Variants in PRKG1 observed in about 807,000 individuals in gnomAD.
The protein encoded by PRKG1 is cGMP-dependent protein kinase 1.
PRKG1 carries 35 observed loss-of-function variants against 88.1 expected under a neutral mutation model. That is an observed-to-expected ratio of 0.40 (90% CI 0.30 to 0.53). PRKG1 has a LOEUF of 0.53. PRKG1 is among the 20% of genes least tolerant of loss of function. The pLI, the probability that PRKG1 is intolerant of heterozygous loss-of-function variation, is 0.59. For synonymous variants in PRKG1, 303 were observed against 292.5 expected (o/e 1.04, Z -0.37); for missense variants, 540 against 839.8 (o/e 0.64, Z 4.41).
At chr10:51,988,735 A>T (rs889877527) in intron 5 of PRKG1, among the ~76,000 whole-genome samples, 12 of 151,442 alleles carry the variant, frequency 7.9e-5, no homozygotes, top group African/African-American at 2.9e-4. Flanking sequence ...GATTGGTAAA[A>T]TTTTTTTCTT....
At chr10:52,083,226 G>A (rs1323227491) in intron 7 of PRKG1, among the ~76,000 whole-genome samples, 4 of 151,862 alleles carry the variant, frequency 2.6e-5, no homozygotes, top group Admixed American at 1.3e-4. Context: ...TGAACTTTGG[G>A]CCAGGTACAA....
intron 1 of PRKG1, among the ~76,000 whole-genome samples, chr10:51,099,759 G>A (rs1004833228): frequency 2.6e-5 from 4 of 152,172 alleles, no homozygotes; most frequent in Non-Finnish European, 5.9e-5. Context: ...CTGGAAATGT[G>A]TAGGATGTCC....
At chr10:52,021,390 C>A (rs78219170) in intron 5 of PRKG1, among the ~76,000 whole-genome samples, 13,146 of 152,136 alleles carry the variant, frequency 0.086, 794 homozygotes, top group Non-Finnish European at 0.13. Flanking sequence ...TGGTTTAGTG[C>A]CAGGCACATG....
chr10:51,628,908 G>A (rs1839446607), intron 3 of PRKG1, among the ~76,000 whole-genome samples: 1 of 149,214 alleles, frequency 6.7e-6, no homozygotes, highest in African/African-American at 2.5e-5. Flanking sequence ...GCAGTGAGCC[G>A]AGATTGCGCC....
rs71904885 is a variant in PRKG1 at position 52,148,957 on chromosome 10, C to CTTTTTTTTTTTTTTTTTTTTTT, written c.1002-12927_1002-12906dup. 1.5e-4 allele frequency among the ~76,000 whole-genome samples: 8 copies of CTTTTTTTTTTTTTTTTTTTTTT among 55,160 alleles called. 1 individual carries two copies. The highest frequency in any genetic ancestry group is 6.0e-4 in the African/African-American group (8 of 13,338). 36.2% of individuals were successfully genotyped at this position (55,160 alleles called of 152,430 possible). On this transcript the variant is annotated intron_variant, in intron 8 of 17. Coordinates refer to ENST00000373980, the MANE Select transcript of PRKG1 (RefSeq NM_006258.4). ...TATTTGACCACAGAGGATAGTTTTG[C>CTTTTTTTTTTTTTTTTTTTTTT]TTTTTTTTTTTTTTTTTTTTTTTTT...
intron 1 of PRKG1, among the ~76,000 whole-genome samples, chr10:51,102,535 T>C (rs571011721): frequency 6.6e-6 from 1 of 152,330 alleles, no homozygotes; most frequent in Admixed American, 6.5e-5. Context: ...TTCCTAGTTC[T>C]TATTTCCCAT....
chr10:52,078,724 G>T (rs183512908), intron 7 of PRKG1, among the ~76,000 whole-genome samples: 1 of 152,364 alleles, frequency 6.6e-6, no homozygotes, highest in East Asian at 1.9e-4. Flanking sequence ...TGCTAAAGCA[G>T]AGTGAGTCAT....
chr10:52,239,442 A>T (rs1840790031), intron 9 of PRKG1, among the ~76,000 whole-genome samples: 1 of 148,156 alleles, frequency 6.7e-6, no homozygotes, highest in Admixed American at 6.8e-5. Context: ...AAACTGCTAT[A>T]ATTTTTCATG....
intron 13 of PRKG1, among the ~76,000 whole-genome samples, chr10:52,281,808 C>A (rs1842008172): frequency 6.6e-6 from 1 of 152,088 alleles, no homozygotes; most frequent in African/African-American, 2.4e-5. Context: ...GTAGGCCCAA[C>A]TGGTCGTTAA....
chr10:51,418,846 G>C (rs568066774), intron 2 of PRKG1, among the ~76,000 whole-genome samples: 4 of 152,240 alleles, frequency 2.6e-5, no homozygotes, highest in Admixed American at 2.6e-4. Context: ...ACATCATCAA[G>C]ATTCATTAAC....
chr10:51,738,348 T>G (rs10999171), intron 3 of PRKG1, among the ~76,000 whole-genome samples: 52,928 of 152,024 alleles, frequency 0.35, 10,325 homozygotes, highest in Middle Eastern at 0.52. Context: ...GAAGGAAAGA[T>G]TGGAAATAGA....
rs545195374 is a variant in PRKG1 at position 52,171,786 on chromosome 10, A to ATTTTTTTTTTTTTTTTTT, written c.1076+9833_1076+9850dup. Among the ~76,000 whole-genome samples the ATTTTTTTTTTTTTTTTTT allele has an allele frequency of 6.4e-5, 6 of 93,852 alleles. 2 individuals are homozygous for ATTTTTTTTTTTTTTTTTT. The highest frequency in any genetic ancestry group is 2.6e-4 in the African/African-American group (6 of 23,442). 61.6% of individuals were successfully genotyped at this position (93,852 alleles called of 152,430 possible). On this transcript the variant is annotated intron_variant, in intron 9 of 17. Transcript: ENST00000373980. ...ATAGAAGTATTTTTCTTTTATCAAA[A>ATTTTTTTTTTTTTTTTTT]TTTTTTTTTTTTTTTTTTTTTTTTT...
intron 3 of PRKG1, among the ~76,000 whole-genome samples, chr10:51,710,492 C>T (rs1487823835): frequency 1.3e-5 from 2 of 152,176 alleles, no homozygotes; most frequent in Non-Finnish European, 2.9e-5. Flanking sequence ...AACAGCTCCT[C>T]ACACACCCCT....
chr10:51,082,855 C>G (rs1368460478), intron 1 of PRKG1, among the ~76,000 whole-genome samples: 2 of 152,086 alleles, frequency 1.3e-5, no homozygotes, highest in Non-Finnish European at 2.9e-5. Context: ...CTGTATGTTA[C>G]AATCACCTAG....
chr10:51,109,739 G>C (rs1256090563), intron 1 of PRKG1, among the ~76,000 whole-genome samples: 1 of 152,074 alleles, frequency 6.6e-6, no homozygotes, highest in East Asian at 1.9e-4. Context: ...ATCCATAAAA[G>C]AGCAAATTGC....
At chr10:51,209,400 C>T (rs996983169) in intron 2 of PRKG1, among the ~76,000 whole-genome samples, 8 of 152,106 alleles carry the variant, frequency 5.3e-5, no homozygotes, top group Non-Finnish European at 1.2e-4. Flanking sequence ...AATAAAACAT[C>T]ATGACTTAAA....
chr10:52,093,399 C>T (rs939407202), intron 7 of PRKG1, among the ~76,000 whole-genome samples: 1 of 152,106 alleles, frequency 6.6e-6, no homozygotes, highest in African/African-American at 2.4e-5. Context: ...CTAGCTCTAG[C>T]TACTTAAGGA....
At chr10:50,994,581 G>A (rs574048082) in intron 1 of PRKG1, among the ~76,000 whole-genome samples, 1 of 151,982 alleles carries the variant, frequency 6.6e-6, no homozygotes, top group African/African-American at 2.4e-5. Context: ...CCGTTCTGAA[G>A]GGCATGCTGG....
chr10:51,977,428 CA>C (rs1197742666), intron 5 of PRKG1, among the ~76,000 whole-genome samples: 1 of 152,022 alleles, frequency 6.6e-6, no homozygotes, highest in Non-Finnish European at 1.5e-5. Context: ...CTGCAATGAA[CA>C]TACGCATGCC....
Sources: allele counts gnomAD v4.1 joint callset (sites outside exome capture counted in the v4.1 genomes callset), GRCh38; gene constraint gnomAD v4.1.1; transcripts MANE v1.5; gene names NCBI Gene and HGNC (gene_info 2026-07-23, HGNC 2026-07-21).